The following BRF1 variants were observed in gnomAD, a reference collection of about 807,000 sequenced individuals.
BRF1 encodes the protein transcription factor IIIB 90 kDa subunit.
A neutral mutation model predicts 81.7 loss-of-function variants in BRF1; 59 were observed. That is an observed-to-expected ratio of 0.72 (90% CI 0.59 to 0.90). The LOEUF (loss-of-function observed/expected upper bound fraction) is 0.90, where lower values mean the gene tolerates loss of function less well. Among genes scored for constraint, BRF1 ranks in the 40% least tolerant of loss-of-function variants. The probability of loss-of-function intolerance (pLI) is 0.00; values close to 1 mark genes in which losing one functional copy is unlikely to be tolerated. For synonymous variants in BRF1, 491 were observed against 395.6 expected, an observed-to-expected ratio of 1.24 and a Z score of -2.86; for missense variants, 1,050 against 936.3, an observed-to-expected ratio of 1.12 and a Z score of -1.58.
intron 3 of BRF1, among the ~76,000 whole-genome samples, chr14:105,263,493 G>A (rs1020193593): frequency 3.3e-5 from 5 of 152,146 alleles, no homozygotes; most frequent in Non-Finnish European, 7.3e-5. Context: ...CAAAAGAGCC[G>A]AGCAGGAAGT....
chr14:105,221,741 GGGCC>G lies in BRF1; in HGVS notation c.1218_1221del (p.Ala407TrpfsTer55). The G allele has an allele frequency of 6.2e-7, 1 of 1,610,554 alleles. No homozygotes were observed. The highest frequency in any genetic ancestry group is 8.5e-7 in the Non-Finnish European group (1 of 1,179,518). On this transcript the variant is annotated frameshift_variant, in exon 11 of 18. Coordinates refer to ENST00000547530, the MANE Select transcript of BRF1 (RefSeq NM_001519.4). LOFTEE classifies it high-confidence loss of function. ...GGGAGGGGGTCCAGCAGGGACCCCAGGGCCGGAGGTCTGCCGCCCCACTCGGGGC... is the reference window on the plus strand; with the variant it reads ...GGGAGGGGGTCCAGCAGGGACCCCAGGGAGGTCTGCCGCCCCACTCGGGGC...
chr14:105,211,425 C>T, intron 16 of BRF1, 132 bp from the exon 17 acceptor site: 2 of 825,010 alleles, frequency 2.4e-6, no homozygotes, highest in Non-Finnish European at 3.6e-6. Flanking sequence ...CGGGGTTGGC[C>T]AGGGCTCCCA....
intron 4 of BRF1, among the ~76,000 whole-genome samples, chr14:105,254,998 T>A (rs1259020988): frequency 6.6e-6 from 1 of 152,202 alleles, no homozygotes; most frequent in African/African-American, 2.4e-5. Context: ...CCCCCCCATC[T>A]CTCTTCCTGG....
At position 105,210,129 on chromosome 14, in the gene BRF1, G is replaced by A. The variant is rs767894908; in HGVS notation, c.*422C>T. On this transcript the variant is annotated 3_prime_UTR_variant, in exon 18 of 18. Transcript: ENST00000547530. This position sits in a 1 kb window ranked among gnomAD's most constrained non-coding sequence, Gnocchi z 4.7. ...AGTGCTGCTCAGGAGGGGACGGTGC[G>A]GAGGGTGGGCTGGAGACTCCAGAGC... is the stretch of plus-strand genomic sequence containing the variant. 1.6e-4 allele frequency: 39 copies of A among 239,780 alleles called. 1 individual carries two copies. Among genetic ancestry groups the A allele is most frequent in the South Asian group, 1.4e-4 (2 of 14,780 alleles). 14.9% of individuals were successfully genotyped at this position (239,780 alleles called of 1,614,324 possible).
Position 105,221,531 on chromosome 14 carries a change from C to T in BRF1, c.1315+117G>A, listed in dbSNP as rs587758233. The stretch of plus-strand genomic sequence containing the variant: ...GGTGCCACCACCCAAGCCCACCGCC[C>T]GAGACCACCACACCTCCCGACAGAG... On this transcript the variant is annotated intron_variant, in intron 11 of 17. Coordinates refer to ENST00000547530, the MANE Select transcript of BRF1 (RefSeq NM_001519.4). 41 of 1,422,068 alleles carry T rather than the reference C, an allele frequency of 2.9e-5. No homozygotes were observed. The Admixed American group carries it at 4.0e-4, about 14-fold the overall frequency. 88.1% of individuals were successfully genotyped at this position (1,422,068 alleles called of 1,614,324 possible). A position where few individuals can be genotyped will look rare whatever the true frequency, so the allele number is the denominator to read the frequency against.
chr14:105,275,668 C>T (rs1304671004), intron 2 of BRF1, among the ~76,000 whole-genome samples: 1 of 152,244 alleles, frequency 6.6e-6, no homozygotes, highest in Non-Finnish European at 1.5e-5. Flanking sequence ...GGGACTCGAT[C>T]CCAAGCCCCG....
intron 1 of BRF1, chr14:105,314,972 G>T: frequency 8.1e-7 from 1 of 1,234,292 alleles, no homozygotes; most frequent in South Asian, 1.6e-5. Context: ...CGCTCAACAC[G>T]CCCGTGCCCA....
At chr14:105,215,009 G>C (rs907887621) in intron 15 of BRF1, among the ~76,000 whole-genome samples, 1 of 152,220 alleles carries the variant, frequency 6.6e-6, no homozygotes, top group African/African-American at 2.4e-5. Context: ...AGGCCTGAGT[G>C]GGGGTGGGAG....
chr14:105,255,640 C>T (rs2055830796), intron 4 of BRF1, among the ~76,000 whole-genome samples: 1 of 152,204 alleles, frequency 6.6e-6, no homozygotes, highest in African/African-American at 2.4e-5. Flanking sequence ...CAGCCCCCAG[C>T]ACCGTCCCTG....
intron 1 of BRF1, among the ~76,000 whole-genome samples, chr14:105,290,597 T>C (rs587610674): frequency 3.3e-5 from 5 of 152,216 alleles, no homozygotes; most frequent in African/African-American, 9.6e-5. Flanking sequence ...TCGATTCTGG[T>C]TGTGTTTTAC....
chr14:105,252,680 C>G (rs1057460133), intron 4 of BRF1, 101 bp from the exon 5 acceptor site: 1 of 1,284,646 alleles, frequency 7.8e-7, no homozygotes. Context: ...TTAAAGACTC[C>G]GATGGCCCGT....
At chr14:105,248,981 C>CCCCGCG (rs1343729779) in intron 5 of BRF1, 3 of 986,228 alleles carry the variant, frequency 3.0e-6, no homozygotes, top group African/African-American at 3.6e-5. Flanking sequence ...CGCCCAGCGC[C>CCCCGCG]CCCGCGCCAG....
intron 1 of BRF1, among the ~76,000 whole-genome samples, chr14:105,311,313 G>A (rs1249876900): frequency 6.6e-6 from 1 of 152,010 alleles, no homozygotes; most frequent in Non-Finnish European, 1.5e-5. Context: ...GAGTGCAGTG[G>A]TGTGATCCTG....
In BRF1 at chr14:105,300,536, G is replaced by A; in HGVS notation, c.94C>T (p.Leu32=). ...TCGGACACGATGATGTTGTCCTCCAGCACTGAGCCGCAGGCGGTGCACACC... is the reference window on the plus strand; with the variant it reads ...TCGGACACGATGATGTTGTCCTCCAACACTGAGCCGCAGGCGGTGCACACC... ...DAVCTACGSV[L]EDNIIVSEVQ... is the part of the protein sequence containing the mutation. Residue 32 remains leucine (L), a synonymous_variant, in exon 1 of 18, where the codon CTG becomes TTG. Transcript: ENST00000547530. 2 of 1,528,546 alleles carry A rather than the reference G, an allele frequency of 1.3e-6. No homozygotes were observed. The allele number at this position is 1,528,546 out of a possible 1,614,324, so 94.7% of individuals were successfully genotyped here. A position where few individuals can be genotyped will look rare whatever the true frequency, so the allele number is the denominator to read the frequency against.
intron 3 of BRF1, among the ~76,000 whole-genome samples, chr14:105,257,774 G>A (rs758748609): frequency 1.8e-4 from 27 of 152,252 alleles, no homozygotes; most frequent in Non-Finnish European, 3.2e-4. Flanking sequence ...ACACACCAAC[G>A]GGAAAAGTGA....
At chr14:105,250,335 G>A in intron 5 of BRF1, 1 of 1,613,530 alleles carries the variant, frequency 6.2e-7, no homozygotes, top group Non-Finnish European at 8.5e-7. Flanking sequence ...GCAGGGCTGG[G>A]CCTGTATGGC....
At chr14:105,304,368 G>A (rs587753859), upstream of BRF1, among the ~76,000 whole-genome samples, 15 of 152,206 alleles carry the variant, frequency 9.9e-5, no homozygotes, top group South Asian at 3.1e-3. Context: ...GGCGCCTGTA[G>A]TTCCAGCTAC....
At chr14:105,300,297 G>A in intron 1 of BRF1, 149 bp downstream of exon 1, 1 of 886,440 alleles carries the variant, frequency 1.1e-6, no homozygotes. Flanking sequence ...CTCGCCAAGG[G>A]GATCCACACT....
chr14:105,282,002 G>A (rs1448980248), intron 2 of BRF1, among the ~76,000 whole-genome samples: 1 of 152,144 alleles, frequency 6.6e-6, no homozygotes, highest in Non-Finnish European at 1.5e-5. Flanking sequence ...GGTCAATGAA[G>A]AGAGCCCCAC....
Sources: allele counts gnomAD v4.1 joint callset (sites outside exome capture counted in the v4.1 genomes callset), GRCh38; gene constraint gnomAD v4.1.1; non-coding constraint Gnocchi (gnomAD v3.1); transcripts MANE v1.5; gene names NCBI Gene and HGNC (gene_info 2026-07-23, HGNC 2026-07-21).